COL5A1: variants seen among roughly 807,000 people sequenced by gnomAD.
COL5A1 encodes the protein collagen alpha-1(V) chain.
In COL5A1, 16 loss-of-function variants were observed where a neutral mutation model predicts 263.7. That is an observed-to-expected ratio of 0.06 (90% CI 0.04 to 0.09). The LOEUF is 0.09. Among genes scored for constraint, COL5A1 ranks in the 10% least tolerant of loss-of-function variants. The pLI is 1.00. For missense variants in COL5A1, 2,036 were observed against 2,540.5 expected, an observed-to-expected ratio of 0.80 and a Z score of 4.27; for synonymous variants, 1,012 against 1,004.5, an observed-to-expected ratio of 1.01 and a Z score of -0.14.
chr9:134,666,307 G>A (rs1832353793), intron 1 of COL5A1, among the ~76,000 whole-genome samples: 1 of 152,206 alleles, frequency 6.6e-6, no homozygotes, highest in Non-Finnish European at 1.5e-5. Flanking sequence ...GTGTCACTTA[G>A]TAAACTGGGG....
rs1421223766 is a variant in COL5A1 at position 134,818,342 on chromosome 9, G to A, written c.4231-314G>A. Among the ~76,000 whole-genome samples, 4 of 152,290 alleles carry A rather than the reference G, an allele frequency of 2.6e-5. No individual in the cohort carries two copies. The highest frequency in any genetic ancestry group is 2.1e-4 in the South Asian group (1 of 4,828). On this transcript the variant is annotated intron_variant, in intron 54 of 65. Coordinates refer to ENST00000371817, the MANE Select transcript of COL5A1 (RefSeq NM_000093.5). This position sits in a 1 kb window ranked among gnomAD's most constrained non-coding sequence, Gnocchi z 6.0. ...GCCTGGCACTGTCTGCCTCCCTCCT[G>A]GAGGCGCCTGTTGTTAAGGAGACGG...
Position 134,802,671 on chromosome 9 carries a change from C to CG in COL5A1, c.3007-213dup, listed in dbSNP as rs559772872. 4.9e-4 allele frequency among the ~76,000 whole-genome samples: 74 copies of CG among 152,306 alleles called. No individual in the cohort carries two copies. The Middle Eastern group carries it at 0.014, about 28-fold the overall frequency. ...CGCCAGGTGGGGGAAGAGGGCCACG[C>CG]GGGGCCCAGCAGATGCCAGGCAGTG... is the stretch of plus-strand genomic sequence containing the variant. On this transcript the variant is annotated intron_variant, in intron 38 of 65. Coordinates refer to ENST00000371817, the MANE Select transcript of COL5A1 (RefSeq NM_000093.5).
rs138341752 is a variant in COL5A1, at chr9:134,694,403, G to A, written c.277+3324G>A. On this transcript the variant is annotated intron_variant, in intron 2 of 65. Coordinates refer to ENST00000371817, the MANE Select transcript of COL5A1 (RefSeq NM_000093.5). ...CACGAACTGGCAGAGTGATCTGGGTGCCAGGGAGACACAGCCATGAATAGA... is the reference window on the plus strand; with the variant it reads ...CACGAACTGGCAGAGTGATCTGGGTACCAGGGAGACACAGCCATGAATAGA... 1.6e-3 allele frequency among the ~76,000 whole-genome samples: 245 copies of A among 152,362 alleles called. 1 individual carries two copies. Among genetic ancestry groups the A allele is most frequent in the African/African-American group, 5.7e-3 (239 of 41,584 alleles).
At chr9:134,730,510 G>T in intron 7 of COL5A1, 35 bp downstream of exon 7, 1 of 1,612,930 alleles carries the variant, frequency 6.2e-7, no homozygotes, top group Non-Finnish European at 8.5e-7. Context: ...TTGGTCTGGG[G>T]CAGTGGGCCA....
chr9:134,783,328 A>G (rs1837330341), intron 29 of COL5A1, among the ~76,000 whole-genome samples: 1 of 152,330 alleles, frequency 6.6e-6, no homozygotes, highest in African/African-American at 2.4e-5. Flanking sequence ...CTCCAGAGAA[A>G]GCCGGTGGGT....
In COL5A1 at chr9:134,681,336, G is replaced by A. The variant is rs1326077048; in HGVS notation, c.110-9576G>A. ...GGCTCTGCAGGGCCCTTTACAAACAGAGCAAATTGATGGCTTCGTGAACAA... is the reference window on the plus strand; with the variant it reads ...GGCTCTGCAGGGCCCTTTACAAACAAAGCAAATTGATGGCTTCGTGAACAA... On this transcript the variant is annotated intron_variant, in intron 1 of 65. Coordinates refer to ENST00000371817, the MANE Select transcript of COL5A1 (RefSeq NM_000093.5). The surrounding 1 kb of genome is among the most constrained non-coding windows in gnomAD (Gnocchi z 4.3). 1.3e-5 allele frequency among the ~76,000 whole-genome samples: 2 copies of A among 152,224 alleles called. No individual in the cohort carries two copies. The highest frequency in any genetic ancestry group is 2.9e-5 in the Non-Finnish European group (2 of 68,040).
chr9:134,835,537 T>C (rs1181977212), intron 65 of COL5A1, among the ~76,000 whole-genome samples: 1 of 152,218 alleles, frequency 6.6e-6, no homozygotes, highest in Non-Finnish European at 1.5e-5. Flanking sequence ...AGTTTGGAGC[T>C]GGGAGCCTCC....
intron 4 of COL5A1, among the ~76,000 whole-genome samples, chr9:134,718,160 G>C (rs1230179008): frequency 6.6e-6 from 1 of 152,196 alleles, no homozygotes; most frequent in Non-Finnish European, 1.5e-5. Flanking sequence ...TAGCAGAAAA[G>C]GCAGAACTGA....
rs1181332176 is a variant in COL5A1, at chr9:134,696,035, G to GC, written c.278-3872dup. Reference sequence around the variant, plus strand: ...CCCTTAGCCCGGCCCCTCCTGGGCTGCCAGGGTCCAGCTGAAACCTCAGCC... The same window carrying GC: ...CCCTTAGCCCGGCCCCTCCTGGGCTGCCCAGGGTCCAGCTGAAACCTCAGCC... On this transcript the variant is annotated intron_variant, in intron 2 of 65. Transcript: ENST00000371817. This position sits in a 1 kb window ranked among gnomAD's most constrained non-coding sequence, Gnocchi z 4.3. Among the ~76,000 whole-genome samples, 1 of 152,172 alleles carries GC rather than the reference G, an allele frequency of 6.6e-6. No individual in the cohort carries two copies. Among genetic ancestry groups the GC allele is most frequent in the Non-Finnish European group, 1.5e-5 (1 of 68,014 alleles).
chr9:134,727,070 T>C lies in COL5A1; in HGVS notation c.655-196T>C, dbSNP rs62571355. Among the ~76,000 whole-genome samples, 18 of 151,356 alleles carry C rather than the reference T, an allele frequency of 1.2e-4. No individual in the cohort carries two copies. The highest frequency in any genetic ancestry group is 4.2e-4 in the South Asian group (2 of 4,772). ...ACGGATGGATGGATGGATGGATGGATGGATGGATGGGCCAGCCTAGCTTGA... is the reference window on the plus strand; with the variant it reads ...ACGGATGGATGGATGGATGGATGGACGGATGGATGGGCCAGCCTAGCTTGA... On this transcript the variant is annotated intron_variant, in intron 4 of 65. Coordinates refer to ENST00000371817, the MANE Select transcript of COL5A1 (RefSeq NM_000093.5).
chr9:134,782,886 C>T (rs1363081693), intron 29 of COL5A1, among the ~76,000 whole-genome samples, 166 bp downstream of exon 29: 3 of 152,130 alleles, frequency 2.0e-5, no homozygotes, highest in Non-Finnish European at 2.9e-5. Flanking sequence ...GCCCAGGGCC[C>T]GACTCTCTCC....
chr9:134,760,144 A>C (rs1251959547), intron 18 of COL5A1, among the ~76,000 whole-genome samples: 1 of 104,862 alleles, frequency 9.5e-6, no homozygotes, highest in Admixed American at 1.1e-4. Flanking sequence ...TCACATGTGC[A>C]GACACCACAC....
Position 134,642,262 on chromosome 9 carries a change from G to T in COL5A1, c.75G>T (p.Leu25=). The T allele has an allele frequency of 8.0e-7, 1 of 1,244,092 alleles. No individual in the cohort carries two copies. 77.1% of individuals were successfully genotyped at this position (1,244,092 alleles called of 1,614,324 possible). ...PGAPLLPPLL[L]LLLWAPPPSR... is the part of the protein sequence containing the mutation. ...CCCCGCTGCTGCCCCCGCTGCTGCT[G>T]CTGCTGCTGTGGGCGCCGCCTCCGA... Residue 25 remains leucine (L), a synonymous_variant, in exon 1 of 66, where the codon CTG becomes CTT. Coordinates refer to ENST00000371817, the MANE Select transcript of COL5A1 (RefSeq NM_000093.5). This position sits in a 1 kb window ranked among gnomAD's most constrained non-coding sequence, Gnocchi z 4.5.
chr9:134,793,385 G>GGGT (rs1554801154), intron 32 of COL5A1, among the ~76,000 whole-genome samples: 3 of 44,034 alleles, frequency 6.8e-5, no homozygotes, highest in East Asian at 4.0e-3. Context: ...TAAGGAGGCT[G>GGGT]GGGGGGGCAT....
At position 134,785,662 on chromosome 9, in the gene COL5A1, A is replaced by G. The variant is rs558236630; in HGVS notation, c.2593-333A>G. On this transcript the variant is annotated intron_variant, in intron 30 of 65. Coordinates refer to ENST00000371817, the MANE Select transcript of COL5A1 (RefSeq NM_000093.5). ...GCCCTATCCTGCTACGTGGACCCAT[A>G]CAAAAGGGCTCAGAGGTGCCCCAGG... is the stretch of plus-strand genomic sequence containing the variant. Among the ~76,000 whole-genome samples, 7 of 152,318 alleles carry G rather than the reference A, an allele frequency of 4.6e-5. No individual in the cohort carries two copies. The South Asian group carries it at 1.2e-3, about 27-fold the overall frequency.
chr9:134,744,988 T>C (rs1002111134), intron 11 of COL5A1, among the ~76,000 whole-genome samples: 1 of 152,238 alleles, frequency 6.6e-6, no homozygotes, highest in Non-Finnish European at 1.5e-5. Flanking sequence ...GGCCCTTCCA[T>C]GGAGGCTGGT....
intron 1 of COL5A1, among the ~76,000 whole-genome samples, chr9:134,644,111 G>A (rs907681550): frequency 1.3e-5 from 2 of 151,952 alleles, no homozygotes; most frequent in South Asian, 2.1e-4. Context: ...TTTTGCCAAC[G>A]TCTCTCCACC....
At chr9:134,745,046 T>C (rs932584876) in intron 11 of COL5A1, among the ~76,000 whole-genome samples, 1 of 152,232 alleles carries the variant, frequency 6.6e-6, no homozygotes, top group African/African-American at 2.4e-5. Context: ...CGTGAATGAC[T>C]TCTGGCCATT....
rs2132748031 is a variant in COL5A1 at position 134,774,899 on chromosome 9, C to T, written c.2372C>T (p.Pro791Leu). 6.2e-7 allele frequency: 1 copy of T among 1,613,664 alleles called. No individual in the cohort carries two copies. ...CAGGGTCCGATTGGCTACCCAGGTC[C>T]TCGAGGAGTCAAGGTGAGAGAGACT... ...GPQGPIGYPG[P>L]RGVKGADGIR... is the part of the protein sequence containing the mutation. Residue 791 changes from proline (P) to leucine (L), a missense_variant, in exon 27 of 66, where the codon CCT (proline) becomes CTT (leucine). Around this residue, in one of 3 missense-constraint regions of COL5A1, gnomAD observed 1,078 missense variants for 1,521.4 expected, o/e 0.71. Coordinates refer to ENST00000371817, the MANE Select transcript of COL5A1 (RefSeq NM_000093.5).
Sources: gnomAD v4.1 joint callset for allele counts (sites outside exome capture counted in the v4.1 genomes callset) on GRCh38, gnomAD v4.1.1 for gene constraint, gnomAD v4.1.1 regional missense constraint, Gnocchi (gnomAD v3.1) non-coding constraint, MANE v1.5 for transcripts, NCBI Gene and HGNC (gene_info 2026-07-23, HGNC 2026-07-21) for gene names.